Variants in INTS6L observed in about 807,000 individuals in gnomAD.
INTS6L encodes integrator complex subunit 6 like, also known as integrator complex subunit 6-like.
A neutral mutation model predicts 64.7 loss-of-function variants in INTS6L; 18 were observed. That is an observed-to-expected ratio of 0.28 (90% confidence interval 0.19 to 0.41). The LOEUF is 0.41. INTS6L is among the 10% of genes least tolerant of loss of function. INTS6L has a pLI of 1.00. For missense variants in INTS6L, 533 were observed against 661.0 expected (o/e 0.81, Z 2.12); for synonymous variants, 227 against 235.9 (o/e 0.96, Z 0.34).
In INTS6L at chrX:135,575,170, C is replaced by A. The variant is rs1556530260; in HGVS notation, c.1828C>A (p.Pro610Thr). Residue 610 changes from proline (P) to threonine (T), a missense_variant, in exon 14 of 18, where the codon CCA becomes ACA. Physicochemically the swap from Pro to Thr is conservative, Grantham distance 38. Transcript: ENST00000639893. Reference sequence around the variant, plus strand: ...GGCTTCTCCACTGCGAGAGATTGATCCAGACCAACCCAAAAGACTGCATAC... The same window carrying A: ...GGCTTCTCCACTGCGAGAGATTGATACAGACCAACCCAAAAGACTGCATAC... ...TLASPLREIDPDQPKRLHTFG... is the reference protein window; with the variant it reads ...TLASPLREIDTDQPKRLHTFG... The A allele has an allele frequency of 8.3e-7, 1 of 1,209,768 alleles. No individual in the cohort carries two copies. Among genetic ancestry groups the A allele is most frequent in the African/African-American group, 1.7e-5 (1 of 57,180 alleles).
At chrX:135,537,455 G>A (rs1296503066) in intron 2 of INTS6L, among the ~76,000 whole-genome samples, 7 of 112,029 alleles carry the variant, frequency 6.2e-5, no homozygotes, top group African/African-American at 1.9e-4. Context: ...TTAAAGGAAC[G>A]TATAGAATTA....
chrX:135,525,890 T>C (rs1289152560), intron 2 of INTS6L, among the ~76,000 whole-genome samples: 1 of 112,217 alleles, frequency 8.9e-6, no homozygotes, highest in African/African-American at 3.2e-5. Flanking sequence ...TACAACGAAT[T>C]GCCTCTCCCA....
At chrX:135,526,387 G>T (rs1008526013) in intron 2 of INTS6L, among the ~76,000 whole-genome samples, 1 of 111,135 alleles carries the variant, frequency 9.0e-6, no homozygotes, top group Non-Finnish European at 1.9e-5. Flanking sequence ...ATGTCTCTGC[G>T]CCCTCTCTTC....
rs781894168 is a variant in INTS6L at position 135,521,105 on chromosome X, TAAAGG to T, written c.111+3_111+7del. 2.2e-5 allele frequency: 27 copies of T among 1,207,209 alleles called. No individual in the cohort carries two copies. Among genetic ancestry groups the T allele is most frequent in the Non-Finnish European group, 2.9e-5 (26 of 892,602 alleles). On this transcript the variant is annotated splice_donor_5th_base_variant and intron_variant, in intron 1 of 17. Coordinates refer to ENST00000639893, the MANE Select transcript of INTS6L (RefSeq NM_001351601.3). ...GGCGCTGTGGAGTTATTCTTGAAGG[TAAAGG>T]GAGGGGAGGGGAGAGATGGGGAGAG...
Position 135,521,085 on chromosome X carries a change from T to C in INTS6L, c.93T>C (p.Ala31=), listed in dbSNP as rs147548926. The C allele has an allele frequency of 1.2e-5, 15 of 1,209,100 alleles. No homozygotes were observed. In the South Asian group the frequency reaches 2.5e-4, roughly 20 times the overall value. Residue 31 remains alanine (A), a synonymous_variant, in exon 1 of 18, where the codon GCT becomes GCC. Transcript: ENST00000639893. The part of the protein sequence containing the change: ...GTSYLDIAKG[A]VELFLKLRAR... ...CTTATTTGGACATTGCCAAAGGCGC[T>C]GTGGAGTTATTCTTGAAGGTAAAGG...
At chrX:135,566,442 G>A (rs1334140289) in intron 9 of INTS6L, among the ~76,000 whole-genome samples, 2 of 111,635 alleles carry the variant, frequency 1.8e-5, no homozygotes, top group Non-Finnish European at 3.8e-5. Flanking sequence ...GTTAGTAAAA[G>A]GGCAAGTTAA....
intron 12 of INTS6L, among the ~76,000 whole-genome samples, chrX:135,573,639 A>C (rs1170612391): frequency 8.9e-6 from 1 of 112,734 alleles, no homozygotes; most frequent in East Asian, 2.8e-4. Flanking sequence ...CATGGCTGCC[A>C]GAGGAATACA....
chrX:135,546,185 C>T (rs1439270568), intron 3 of INTS6L, among the ~76,000 whole-genome samples, 195 bp from the exon 4 acceptor site: 1 of 112,047 alleles, frequency 8.9e-6, no homozygotes, highest in Non-Finnish European at 1.9e-5. Flanking sequence ...AAGAATTCCT[C>T]AGTTTATACT....
chrX:135,549,652 G>A lies in INTS6L; in HGVS notation c.753G>A (p.Met251Ile). ...TTGTTTAACTTTTAGATGGACTTAT[G>A]GATTCATCCAGGCCAAGCAATTCAT... ...DPLPIGEDGL[M>I]DSSRPSNSFA... The change falls in exon 7 of 18, where the codon ATG (methionine) becomes ATA (isoleucine). Residue 251 changes from methionine to isoleucine, a missense_variant. Physicochemically the swap from Met to Ile is conservative, Grantham distance 10. Coordinates refer to ENST00000639893, the MANE Select transcript of INTS6L (RefSeq NM_001351601.3). The A allele has an allele frequency of 8.3e-7, 1 of 1,209,661 alleles. No individual in the cohort carries two copies. Among genetic ancestry groups the A allele is most frequent in the Non-Finnish European group, 1.1e-6 (1 of 894,569 alleles).
intron 16 of INTS6L, 83 bp downstream of exon 16, chrX:135,580,245 T>G: frequency 2.8e-6 from 3 of 1,077,474 alleles, no homozygotes; most frequent in Non-Finnish European, 3.7e-6. Context: ...AAGCTATCCC[T>G]TGAGGTACAC....
At chrX:135,535,597 C>A (rs1435290850) in intron 2 of INTS6L, among the ~76,000 whole-genome samples, 1 of 112,107 alleles carries the variant, frequency 8.9e-6, no homozygotes, top group Non-Finnish European at 1.9e-5. Flanking sequence ...TGACAGAATG[C>A]TAAGTTGAAG....
rs1556515206 is a variant in INTS6L, at chrX:135,546,809, T to G, written c.537T>G (p.Ala179=). 3 of 1,211,770 alleles carry G rather than the reference T, an allele frequency of 2.5e-6. No homozygotes were observed. In the South Asian group the frequency reaches 5.3e-5, roughly 21 times the overall value. ...TGGTGTTGCGTTTGCCTGGAGTGGC[T>G]TCTACCGAACCAGAGCAACTAGGGA... ...FALVLRLPGV[A]STEPEQLGSV... is the part of the protein sequence containing the mutation. Residue 179 remains alanine, a synonymous_variant, in exon 5 of 18, where the codon GCT becomes GCG. Transcript: ENST00000639893.
chrX:135,526,694 C>T (rs1556501398), intron 2 of INTS6L, among the ~76,000 whole-genome samples: 1 of 111,922 alleles, frequency 8.9e-6, no homozygotes, highest in Non-Finnish European at 1.9e-5. Flanking sequence ...TTCATGTTGA[C>T]TTCCCTAATG....
At chrX:135,523,856 G>C (rs2085658691) in intron 2 of INTS6L, among the ~76,000 whole-genome samples, 1 of 111,997 alleles carries the variant, frequency 8.9e-6, no homozygotes, top group Admixed American at 9.4e-5. Flanking sequence ...TTTCCAAGTT[G>C]AGTTTGATTT....
intron 9 of INTS6L, among the ~76,000 whole-genome samples, chrX:135,565,976 G>A (rs782408422): frequency 8.9e-6 from 1 of 111,980 alleles, no homozygotes; most frequent in South Asian, 3.7e-4. Context: ...AGGTCCTTGA[G>A]CTCCTAAAGT....
chrX:135,558,668 T>G (rs944377166), intron 9 of INTS6L, among the ~76,000 whole-genome samples: 1 of 111,931 alleles, frequency 8.9e-6, no homozygotes, highest in Non-Finnish European at 1.9e-5. Flanking sequence ...GTGAAAAGCC[T>G]CTAGATATCT....
At chrX:135,533,156 T>C (rs186882129) in intron 2 of INTS6L, among the ~76,000 whole-genome samples, 2 of 112,327 alleles carry the variant, frequency 1.8e-5, no homozygotes, top group Non-Finnish European at 3.8e-5. Context: ...TAATGTGCTA[T>C]ATCACACACT....
intron 2 of INTS6L, among the ~76,000 whole-genome samples, chrX:135,526,677 A>G (rs932743538): frequency 8.9e-6 from 1 of 112,114 alleles, no homozygotes; most frequent in East Asian, 2.8e-4. Context: ...TATGGGGACT[A>G]TTAGTGTTCA....
At chrX:135,537,023 AG>A (rs782610708) in intron 2 of INTS6L, among the ~76,000 whole-genome samples, 1 of 112,346 alleles carries the variant, frequency 8.9e-6, no homozygotes, top group Non-Finnish European at 1.9e-5. Flanking sequence ...AATATTCAAA[AG>A]AGCTTCAGCA....
Sources: gnomAD v4.1 joint callset for allele counts (sites outside exome capture counted in the v4.1 genomes callset) on GRCh38, gnomAD v4.1.1 for gene constraint, MANE v1.5 for transcripts, NCBI Gene and HGNC (gene_info 2026-07-23, HGNC 2026-07-21) for gene names.